The following GRM7 variants were observed in gnomAD, a reference collection of about 807,000 sequenced individuals.
GRM7 encodes the protein metabotropic glutamate receptor 7.
GRM7 carries 35 observed loss-of-function variants against 84.5 expected under a neutral mutation model. The observed-to-expected ratio is 0.41, with a 90% CI of 0.32 to 0.55. The LOEUF is 0.55. Among genes scored for constraint, GRM7 ranks in the 20% least tolerant of loss-of-function variants. The pLI is 0.19. For missense variants in GRM7, 1,003 were observed against 1,194.6 expected (o/e 0.84, Z 2.36); for synonymous variants, 487 against 455.1 (o/e 1.07, Z -0.89).
intron 4 of GRM7, among the ~76,000 whole-genome samples, chr3:7,400,280 A>T (rs1479717093): frequency 6.6e-6 from 1 of 152,124 alleles, no homozygotes; most frequent in African/African-American, 2.4e-5. Flanking sequence ...ATACATGAAT[A>T]CTTCTATAGC....
chr3:7,379,485 G>A (rs908127192), intron 4 of GRM7, among the ~76,000 whole-genome samples: 6 of 152,132 alleles, frequency 3.9e-5, no homozygotes, highest in Non-Finnish European at 7.4e-5. Flanking sequence ...TAAATATCCT[G>A]AGCCTTAGTA....
intron 7 of GRM7, among the ~76,000 whole-genome samples, chr3:7,529,644 C>T (rs1313961216): frequency 1.3e-5 from 2 of 152,162 alleles, no homozygotes; most frequent in East Asian, 1.9e-4. Flanking sequence ...CTGTATGATT[C>T]CCTGAATGCA....
intron 1 of GRM7, among the ~76,000 whole-genome samples, chr3:6,950,535 C>G (rs948275346): frequency 3.6e-4 from 55 of 152,236 alleles, no homozygotes; most frequent in African/African-American, 1.3e-3. Flanking sequence ...TCTGCCCGTT[C>G]TCAGATCTCC....
chr3:7,447,050 C>CTT (rs3840246), intron 5 of GRM7, among the ~76,000 whole-genome samples: 54,605 of 151,742 alleles, frequency 0.36, 11,075 homozygotes, highest in Non-Finnish European at 0.48. Flanking sequence ...ATACTGGACT[C>CTT]TGGGTAAAAG....
intron 7 of GRM7, among the ~76,000 whole-genome samples, chr3:7,463,249 A>G (rs1441124329): frequency 6.6e-6 from 1 of 152,070 alleles, no homozygotes; most frequent in African/African-American, 2.4e-5. Context: ...TGGCACATAT[A>G]ATTTGTCCAA....
At chr3:7,409,233 A>G (rs1470461127) in intron 4 of GRM7, among the ~76,000 whole-genome samples, 1 of 152,114 alleles carries the variant, frequency 6.6e-6, no homozygotes, top group Non-Finnish European at 1.5e-5. Flanking sequence ...CTTGGTTCTG[A>G]TATTTTTCTG....
intron 1 of GRM7, among the ~76,000 whole-genome samples, chr3:6,914,703 A>T (rs1696885448): frequency 6.6e-6 from 1 of 152,006 alleles, no homozygotes; most frequent in African/African-American, 2.4e-5. Flanking sequence ...GCCCGGCCCT[A>T]TTTTCACATT....
chr3:7,630,522 G>A (rs116328503), intron 8 of GRM7, among the ~76,000 whole-genome samples: 11 of 152,104 alleles, frequency 7.2e-5, no homozygotes, highest in Admixed American at 2.0e-4. Flanking sequence ...AAGGGGAAAG[G>A]GACTGCTACT....
At chr3:7,607,412 G>A (rs1026228076) in intron 8 of GRM7, 3 of 152,030 alleles carry the variant, frequency 2.0e-5, no homozygotes, top group African/African-American at 7.2e-5. Context: ...TAAGGTATGT[G>A]AAAAGTAAAA....
At chr3:7,232,246 C>G (rs1697217260) in intron 2 of GRM7, among the ~76,000 whole-genome samples, 2 of 149,748 alleles carry the variant, frequency 1.3e-5, no homozygotes, top group South Asian at 2.1e-4. Context: ...TCACTCAGAT[C>G]TTGTAAAAAA....
chr3:7,716,024 T>A (rs1256027898), intron 9 of GRM7, among the ~76,000 whole-genome samples: 1 of 152,062 alleles, frequency 6.6e-6, no homozygotes, highest in Non-Finnish European at 1.5e-5. Flanking sequence ...ACCAGCCTCC[T>A]CTCCTGCACC....
chr3:7,432,191 A>C (rs1696857645), intron 5 of GRM7, among the ~76,000 whole-genome samples: 1 of 152,342 alleles, frequency 6.6e-6, no homozygotes, highest in Admixed American at 6.5e-5. Flanking sequence ...TGAGTCAAAA[A>C]TTTTAAATTA....
At chr3:7,052,808 G>A (rs559446248) in intron 1 of GRM7, among the ~76,000 whole-genome samples, 1 of 147,412 alleles carries the variant, frequency 6.8e-6, no homozygotes, top group East Asian at 2.1e-4. Context: ...TGGGCATTTA[G>A]GTTCTTTCCC....
chr3:7,044,706 G>C (rs1015285579), intron 1 of GRM7, among the ~76,000 whole-genome samples: 1 of 152,018 alleles, frequency 6.6e-6, no homozygotes, highest in Non-Finnish European at 1.5e-5. Flanking sequence ...ATGTGGTGTA[G>C]TGCCGATTTT....
chr3:7,015,815 G>T (rs1695543519), intron 1 of GRM7, among the ~76,000 whole-genome samples: 1 of 152,172 alleles, frequency 6.6e-6, no homozygotes. Flanking sequence ...TGTAAGTGAT[G>T]TAAGAGAGAG....
Position 6,861,177 on chromosome 3 carries a change from G to C in GRM7, c.-212G>C, listed in dbSNP as rs1694740805. Reference sequence around the variant, plus strand: ...TGAGCGCGAGCGCGGCGCGCCGGCCGGCTAACCCGAGAGCGCGAGGCGCCC... The same window carrying C: ...TGAGCGCGAGCGCGGCGCGCCGGCCCGCTAACCCGAGAGCGCGAGGCGCCC... On this transcript the variant is annotated 5_prime_UTR_variant, in exon 1 of 10. Transcript: ENST00000357716. The surrounding 1 kb of genome is among the most constrained non-coding windows in gnomAD (Gnocchi z 6.4). 1 of 444,274 alleles carries C rather than the reference G, an allele frequency of 2.3e-6. No homozygotes were observed. The highest frequency in any genetic ancestry group is 4.3e-5 in the Admixed American group (1 of 23,198). The allele number at this position is 444,274 out of a possible 1,614,324, so 27.5% of individuals were successfully genotyped here.
intron 1 of GRM7, among the ~76,000 whole-genome samples, chr3:6,964,251 T>C (rs934364576): frequency 3.9e-5 from 6 of 152,156 alleles, no homozygotes; most frequent in African/African-American, 1.4e-4. Context: ...TTCTGTAGTC[T>C]AGAAGTCCCA....
intron 3 of GRM7, among the ~76,000 whole-genome samples, chr3:7,304,690 A>G (rs1010961578): frequency 6.6e-6 from 1 of 151,936 alleles, no homozygotes; most frequent in African/African-American, 2.4e-5. Flanking sequence ...TCTGCACTTT[A>G]TATCTATGCC....
chr3:7,163,986 C>T (rs920568225), intron 2 of GRM7, among the ~76,000 whole-genome samples: 3 of 152,282 alleles, frequency 2.0e-5, no homozygotes, highest in African/African-American at 7.2e-5. Context: ...TATCAGAGAA[C>T]TTTTGTAAAG....
Sources: gnomAD v4.1 joint callset for allele counts (sites outside exome capture counted in the v4.1 genomes callset) on GRCh38, gnomAD v4.1.1 for gene constraint, Gnocchi (gnomAD v3.1) non-coding constraint, MANE v1.5 for transcripts, NCBI Gene and HGNC (gene_info 2026-07-23, HGNC 2026-07-21) for gene names.